CNTN5: variants seen among roughly 807,000 people sequenced by gnomAD.
The protein encoded by CNTN5 is contactin-5.
A neutral mutation model predicts 129.1 loss-of-function variants in CNTN5; 77 were observed. The observed-to-expected ratio is 0.60, with a 90% CI of 0.50 to 0.72. The LOEUF (loss-of-function observed/expected upper bound fraction) is 0.72, where lower values mean the gene tolerates loss of function less well. Among genes scored for constraint, CNTN5 ranks in the 30% least tolerant of loss-of-function variants. The probability of loss-of-function intolerance (pLI) is 0.00; values close to 1 mark genes in which losing one functional copy is unlikely to be tolerated. For synonymous variants in CNTN5, 509 were observed against 465.6 expected (o/e 1.09, Z -1.20); for missense variants, 1,478 against 1,328.8 (o/e 1.11, Z -1.75).
chr11:100,115,839 G>A (rs1178456430), intron 13 of CNTN5, among the ~76,000 whole-genome samples: 1 of 151,986 alleles, frequency 6.6e-6, no homozygotes, highest in South Asian at 2.1e-4. Context: ...TTTGGGTTTT[G>A]AAACTCAGAA....
rs773454856 is a variant in CNTN5 at position 99,522,831 on chromosome 11, A to T, written c.-70-33314A>T. ...CTTCAATATTAATGTAATAGCCTTA[A>T]CTCCTCTCCTTGTAACTAATGCCGT... On this transcript the variant is annotated intron_variant, in intron 2 of 24. Transcript: ENST00000524871. Among the ~76,000 whole-genome samples the T allele has an allele frequency of 6.0e-4, 91 of 152,092 alleles. 1 individual carries two copies. The highest frequency in any genetic ancestry group is 1.2e-3 in the Admixed American group (19 of 15,250).
chr11:99,331,587 C>A (rs1866000882), intron 2 of CNTN5, among the ~76,000 whole-genome samples: 1 of 152,114 alleles, frequency 6.6e-6, no homozygotes, highest in African/African-American at 2.4e-5. Context: ...TAATAACTTT[C>A]TTTTACCTGT....
chr11:99,326,880 C>A (rs141862260), intron 2 of CNTN5, among the ~76,000 whole-genome samples: 2 of 152,118 alleles, frequency 1.3e-5, no homozygotes, highest in African/African-American at 4.8e-5. Flanking sequence ...CCAAATTTTG[C>A]CATCAAAGTT....
chr11:99,852,727 C>T (rs985625178), intron 6 of CNTN5, among the ~76,000 whole-genome samples: 2 of 152,092 alleles, frequency 1.3e-5, no homozygotes, highest in Non-Finnish European at 2.9e-5. Context: ...TCATAGTGCT[C>T]TTTTGTTTTG....
chr11:99,084,856 C>T lies in CNTN5; in HGVS notation c.-210+63586C>T, dbSNP rs546001692. Among the ~76,000 whole-genome samples the T allele has an allele frequency of 2.0e-4, 31 of 152,252 alleles. No homozygotes were observed. The East Asian group carries it at 6.0e-3, about 29-fold the overall frequency. ...GCCAAAATATTTTCAAATTTTCTCT[C>T]AAACAATTAAGTATCCAAATTTTGA... On this transcript the variant is annotated intron_variant, in intron 1 of 24. Transcript: ENST00000524871.
chr11:100,127,102 T>C (rs1173173976), intron 13 of CNTN5, among the ~76,000 whole-genome samples: 1 of 145,944 alleles, frequency 6.9e-6, no homozygotes, highest in Admixed American at 6.8e-5. Flanking sequence ...CTAATTTTTT[T>C]TTTTTTTTTT....
chr11:99,216,510 A>T (rs1399239919), intron 1 of CNTN5, among the ~76,000 whole-genome samples: 1 of 152,054 alleles, frequency 6.6e-6, no homozygotes, highest in Non-Finnish European at 1.5e-5. Flanking sequence ...TTTTGGATAT[A>T]TACCCAGCTG....
At chr11:99,737,852 A>G (rs1943761094) in intron 3 of CNTN5, among the ~76,000 whole-genome samples, 2 of 152,074 alleles carry the variant, frequency 1.3e-5, no homozygotes, top group Non-Finnish European at 2.9e-5. Context: ...CATCTTTTTC[A>G]CTTTTTAACG....
chr11:99,107,230 T>C lies in CNTN5; in HGVS notation c.-210+85960T>C, dbSNP rs1416196568. Among the ~76,000 whole-genome samples, 4 of 152,296 alleles carry C rather than the reference T, an allele frequency of 2.6e-5. No individual in the cohort carries two copies. The East Asian group carries it at 5.8e-4, about 22-fold the overall frequency. The stretch of plus-strand genomic sequence containing the variant: ...ATGTTACAACCTTGTTTAACAGAAC[T>C]GACATTGGCACAGAAAAATAGTGGA... On this transcript the variant is annotated intron_variant, in intron 1 of 24. Transcript: ENST00000524871.
At chr11:99,881,469 C>G (rs2135859228) in intron 6 of CNTN5, among the ~76,000 whole-genome samples, 1 of 152,176 alleles carries the variant, frequency 6.6e-6, no homozygotes, top group South Asian at 2.1e-4. Flanking sequence ...CACTTTGATT[C>G]TACATTAGTT....
intron 20 of CNTN5, among the ~76,000 whole-genome samples, chr11:100,303,429 A>G (rs1481370275): frequency 6.6e-6 from 1 of 151,620 alleles, no homozygotes; most frequent in South Asian, 2.1e-4. Flanking sequence ...ACTCAAACAT[A>G]CCATTTTCCA....
At chr11:99,447,057 G>C (rs1168173451) in intron 2 of CNTN5, among the ~76,000 whole-genome samples, 4 of 152,206 alleles carry the variant, frequency 2.6e-5, no homozygotes, top group African/African-American at 9.6e-5. Flanking sequence ...GTAACAAAGG[G>C]AGAAGACTTT....
chr11:100,258,367 G>A (rs996068505), intron 17 of CNTN5, among the ~76,000 whole-genome samples: 1 of 152,080 alleles, frequency 6.6e-6, no homozygotes, highest in African/African-American at 2.4e-5. Flanking sequence ...ACACTCTTAG[G>A]GATATTATCC....
chr11:100,313,916 G>A (rs914521344), intron 21 of CNTN5, among the ~76,000 whole-genome samples: 1 of 152,148 alleles, frequency 6.6e-6, no homozygotes. Context: ...GCTGCCAAGA[G>A]ATCAAGTGAG....
chr11:100,241,441 G>A (rs1386020616), intron 16 of CNTN5, among the ~76,000 whole-genome samples: 2 of 152,142 alleles, frequency 1.3e-5, no homozygotes, highest in African/African-American at 4.8e-5. Context: ...ACCAGGAAGT[G>A]TTTGTTTTTA....
chr11:99,447,108 C>A (rs1944103877), intron 2 of CNTN5, among the ~76,000 whole-genome samples: 1 of 152,218 alleles, frequency 6.6e-6, no homozygotes, highest in Admixed American at 6.5e-5. Context: ...AGCATTATCA[C>A]TTACTGACAG....
At chr11:100,055,842 TTC>T (rs144734838) in intron 9 of CNTN5, among the ~76,000 whole-genome samples, 12 of 150,358 alleles carry the variant, frequency 8.0e-5, no homozygotes, top group Admixed American at 1.3e-4. Flanking sequence ...TTACATAGTC[TTC>T]TCTCTCTCTC....
At chr11:99,685,653 C>T (rs1953758957) in intron 3 of CNTN5, among the ~76,000 whole-genome samples, 1 of 151,946 alleles carries the variant, frequency 6.6e-6, no homozygotes, top group Admixed American at 6.6e-5. Context: ...CATAGATAAG[C>T]AAGCTTTCTT....
At chr11:99,039,884 T>C (rs2135131619) in intron 1 of CNTN5, among the ~76,000 whole-genome samples, 1 of 152,302 alleles carries the variant, frequency 6.6e-6, no homozygotes, top group Non-Finnish European at 1.5e-5. Context: ...CAGAGGTTTT[T>C]ACACTTTAAA....
Sources: gnomAD v4.1 joint callset for allele counts (sites outside exome capture counted in the v4.1 genomes callset) on GRCh38, gnomAD v4.1.1 for gene constraint, MANE v1.5 for transcripts, NCBI Gene and HGNC (gene_info 2026-07-23, HGNC 2026-07-21) for gene names.